The following CRB1 variants were observed in gnomAD, a reference collection of about 807,000 sequenced individuals.
CRB1 encodes the protein crumbs cell polarity complex component 1, also known as protein crumbs homolog 1.
In CRB1, 83 loss-of-function variants were observed where a neutral mutation model predicts 120.0. The observed-to-expected ratio is 0.69, with a 90% CI of 0.58 to 0.83. CRB1 has a LOEUF of 0.83. Ranked by LOEUF, CRB1 falls within the 40% of genes least tolerant of loss-of-function variation. CRB1 has a pLI of 0.00. For missense variants in CRB1, 1,699 were observed against 1,687.6 expected (o/e 1.01, Z -0.12); for synonymous variants, 625 against 612.5 (o/e 1.02, Z -0.30).
rs1388798813 is a variant in CRB1, at chr1:197,434,687, T to C, written c.2843-19T>C. On this transcript the variant is annotated intron_variant, in intron 8 of 11. Coordinates refer to ENST00000367400, the MANE Select transcript of CRB1 (RefSeq NM_201253.3). ...TAGATTTAATAAAGTTATTGATTAT[T>C]ATCACCTTCTCTCATTAGGTATTGC... 1 of 1,601,106 alleles carries C rather than the reference T, an allele frequency of 6.2e-7. No homozygotes were observed. Among genetic ancestry groups the C allele is most frequent in the Admixed American group, 1.7e-5 (1 of 59,888 alleles).
At chr1:197,426,008 C>T (rs1664562647) in intron 6 of CRB1, among the ~76,000 whole-genome samples, 2 of 151,488 alleles carry the variant, frequency 1.3e-5, no homozygotes, top group African/African-American at 2.4e-5. Flanking sequence ...ATATCAACTG[C>T]CCACTAGTCA....
At chr1:197,276,188 G>A (rs927007701) in intron 1 of CRB1, among the ~76,000 whole-genome samples, 1 of 151,778 alleles carries the variant, frequency 6.6e-6, no homozygotes, top group Non-Finnish European at 1.5e-5. Flanking sequence ...CAGTCATGCT[G>A]TATCCCATAC....
chr1:197,428,860 A>G, intron 7 of CRB1: 2 of 1,087,662 alleles, frequency 1.8e-6, no homozygotes, highest in Non-Finnish European at 2.6e-6. Context: ...TAGTAGACCC[A>G]GGACAAACAC....
the CRB1 span, among the ~76,000 whole-genome samples, chr1:197,234,771 C>CTT: frequency 6.6e-6 from 1 of 152,242 alleles, no homozygotes; most frequent in Admixed American, 6.5e-5. Flanking sequence ...ATTCACCAAG[C>CTT]TTATCTAGCT....
intron 1 of CRB1, among the ~76,000 whole-genome samples, chr1:197,301,759 A>G (rs902433667): frequency 9.9e-5 from 15 of 152,162 alleles, no homozygotes; most frequent in African/African-American, 3.1e-4. Flanking sequence ...CAACACCTCA[A>G]TGGAGGAAGT....
chr1:197,229,211 G>A, the CRB1 span, among the ~76,000 whole-genome samples: 2 of 152,160 alleles, frequency 1.3e-5, no homozygotes, highest in Non-Finnish European at 2.9e-5. Context: ...ATATTCTGTC[G>A]TAGTAGCTCA....
intron 1 of CRB1, among the ~76,000 whole-genome samples, chr1:197,275,231 T>C (rs1246595629): frequency 1.3e-5 from 2 of 152,058 alleles, no homozygotes; most frequent in Non-Finnish European, 2.9e-5. Flanking sequence ...AAACCCTATT[T>C]ACAAATAAGG....
the CRB1 span, among the ~76,000 whole-genome samples, chr1:197,236,415 G>A: frequency 6.6e-6 from 1 of 151,978 alleles, no homozygotes; most frequent in Non-Finnish European, 1.5e-5. Flanking sequence ...TGGCCGGGCT[G>A]GTCTCAAACT....
chr1:197,210,386 G>A, the CRB1 span, among the ~76,000 whole-genome samples: 1 of 152,136 alleles, frequency 6.6e-6, no homozygotes, highest in Non-Finnish European at 1.5e-5. Flanking sequence ...TAAGAGCAAG[G>A]ACAGTTTTCA....
intron 5 of CRB1, among the ~76,000 whole-genome samples, chr1:197,392,196 C>A (rs1002928824): frequency 2.0e-5 from 3 of 151,882 alleles, no homozygotes; most frequent in African/African-American, 7.3e-5. Context: ...ACTTCCTCTA[C>A]ACCTGAGGTC....
chr1:197,426,623 G>A (rs983708136), intron 6 of CRB1, among the ~76,000 whole-genome samples: 13 of 152,080 alleles, frequency 8.5e-5, no homozygotes, highest in African/African-American at 3.1e-4. Context: ...TGCCACAGAT[G>A]AGCATCACTA....
the CRB1 span, among the ~76,000 whole-genome samples, chr1:197,243,031 A>G: frequency 2.0e-5 from 3 of 151,502 alleles, no homozygotes; most frequent in Non-Finnish European, 4.4e-5. Flanking sequence ...CCCCTTTATC[A>G]TTTTTTATTG....
chr1:197,227,015 T>C, the CRB1 span, among the ~76,000 whole-genome samples: 161 of 152,294 alleles, frequency 1.1e-3, 3 homozygotes, highest in South Asian at 0.013. Flanking sequence ...GTGGGAATTA[T>C]AGGAGTACAA....
chr1:197,369,567 CAATT>C (rs1354695355), intron 5 of CRB1, among the ~76,000 whole-genome samples: 1 of 152,130 alleles, frequency 6.6e-6, no homozygotes, highest in Non-Finnish European at 1.5e-5. Context: ...ACTTAGGAAA[CAATT>C]AATTTCTGAA....
chr1:197,449,789 G>T (rs900383785), intron 11 of CRB1, among the ~76,000 whole-genome samples: 1 of 152,184 alleles, frequency 6.6e-6, no homozygotes, highest in Non-Finnish European at 1.5e-5. Context: ...GTCTTTAGCT[G>T]GGTGACTTGG....
intron 6 of CRB1, 139 bp from the exon 7 acceptor site, chr1:197,427,315 T>G: frequency 1.5e-6 from 1 of 688,500 alleles, no homozygotes; most frequent in East Asian, 2.7e-5. Flanking sequence ...TCCTGAACTT[T>G]AAAAGCTATG....
intron 5 of CRB1, among the ~76,000 whole-genome samples, chr1:197,385,892 G>A (rs1662190416): frequency 6.6e-6 from 1 of 151,924 alleles, no homozygotes; most frequent in African/African-American, 2.4e-5. Flanking sequence ...AATCAGAAGT[G>A]GTTAAAAAAC....
the CRB1 span, among the ~76,000 whole-genome samples, chr1:197,216,775 G>A: frequency 6.6e-6 from 1 of 152,264 alleles, no homozygotes; most frequent in South Asian, 2.1e-4. Context: ...AGACCTACAT[G>A]AGTGTCAGCT....
rs1451711680 is a variant in CRB1, at chr1:197,449,563, T to A, written c.4005+7271T>A. On this transcript the variant is annotated intron_variant, in intron 11 of 11. Coordinates refer to ENST00000367400, the MANE Select transcript of CRB1 (RefSeq NM_201253.3). ...TTGTATTTTTAGTAGAGACGGGATT[T>A]CACCGTGTTAGCCAGGATGGTCTCG... Among the ~76,000 whole-genome samples the A allele has an allele frequency of 4.6e-5, 7 of 152,094 alleles. No individual in the cohort carries two copies. In the East Asian group the frequency reaches 7.7e-4, roughly 17 times the overall value.
Sources: allele counts gnomAD v4.1 joint callset (sites outside exome capture counted in the v4.1 genomes callset), GRCh38; gene constraint gnomAD v4.1.1; transcripts MANE v1.5; gene names NCBI Gene and HGNC (gene_info 2026-07-23, HGNC 2026-07-21).